The following NDUFA10 variants were observed in gnomAD, a reference collection of about 807,000 sequenced individuals.
The protein encoded by NDUFA10 is NADH dehydrogenase [ubiquinone] 1 alpha subcomplex subunit 10, mitochondrial.
In NDUFA10, 40 loss-of-function variants were observed where a neutral mutation model predicts 47.8. The ratio of observed to expected loss-of-function variants is 0.84; its 90% CI spans 0.65 to 1.09. NDUFA10 has a LOEUF of 1.09. Ranked by LOEUF, NDUFA10 falls within the 50% of genes least tolerant of loss-of-function variation. NDUFA10 has a pLI of 0.00. For synonymous variants in NDUFA10, 183 were observed against 172.2 expected (o/e 1.06, Z -0.49); for missense variants, 413 against 451.1 (o/e 0.92, Z 0.76).
chr2:239,955,939 G>A (rs561241829), downstream of NDUFA10, among the ~76,000 whole-genome samples: 3 of 152,300 alleles, frequency 2.0e-5, no homozygotes, highest in South Asian at 6.2e-4. Flanking sequence ...TCTGTGTCGA[G>A]TCCTCCAGAG....
chr2:239,969,252 T>G (rs1695213599), intron 9 of NDUFA10, among the ~76,000 whole-genome samples: 1 of 152,094 alleles, frequency 6.6e-6, no homozygotes, highest in Admixed American at 6.5e-5. Context: ...CTCTAAGAAT[T>G]AAATGAAAAA....
At chr2:239,940,504 C>T (rs1175875913) in intron 4 of NDUFA10, among the ~76,000 whole-genome samples, 1 of 152,232 alleles carries the variant, frequency 6.6e-6, no homozygotes, top group East Asian at 1.9e-4. Context: ...CCAGCACATC[C>T]AGCAATGCTA....
intron 8 of NDUFA10, among the ~76,000 whole-genome samples, chr2:239,993,838 A>T (rs570467621): frequency 7.2e-5 from 11 of 152,200 alleles, no homozygotes; most frequent in African/African-American, 2.6e-4. Context: ...TCAAGCTAGG[A>T]TTATGGTTGA....
At chr2:240,011,818 T>G in intron 5 of NDUFA10, 122 bp from the exon 6 acceptor site, 1 of 839,138 alleles carries the variant, frequency 1.2e-6, no homozygotes, top group South Asian at 1.4e-5. Flanking sequence ...CACCGGGCAC[T>G]GTGGGGACTG....
At chr2:240,020,969 C>T in intron 3 of NDUFA10, 1 of 601,346 alleles carries the variant, frequency 1.7e-6, no homozygotes, top group South Asian at 2.0e-5. Flanking sequence ...CTTGAGAATT[C>T]TATACAATCC....
intron 4 of NDUFA10, among the ~76,000 whole-genome samples, chr2:239,899,728 A>G (rs1693508220): frequency 6.6e-6 from 1 of 152,056 alleles, no homozygotes; most frequent in Non-Finnish European, 1.5e-5. Flanking sequence ...GCCTCAATGC[A>G]ACACTTAAGG....
chr2:239,972,280 A>G (rs1274174363), intron 9 of NDUFA10, among the ~76,000 whole-genome samples: 4 of 152,122 alleles, frequency 2.6e-5, no homozygotes, highest in Non-Finnish European at 5.9e-5. Context: ...TATATAAATT[A>G]AACAAAAAAA....
chr2:240,024,326 T>C (rs1697764427), intron 1 of NDUFA10, among the ~76,000 whole-genome samples: 1 of 152,224 alleles, frequency 6.6e-6, no homozygotes, highest in Admixed American at 6.5e-5. Context: ...CATAAGTGAA[T>C]CTTACATAGA....
At chr2:239,941,170 G>C (rs567534945) in intron 4 of NDUFA10, among the ~76,000 whole-genome samples, 3 of 152,210 alleles carry the variant, frequency 2.0e-5, no homozygotes, top group African/African-American at 4.8e-5. Flanking sequence ...GGCAATAGAC[G>C]TATGACCCAT....
chr2:240,007,198 G>A, intron 7 of NDUFA10, 118 bp downstream of exon 7: 1 of 792,662 alleles, frequency 1.3e-6, no homozygotes, highest in Non-Finnish European at 2.2e-6. Flanking sequence ...GCTTTCAGGT[G>A]ATAAAACAGT....
intron 8 of NDUFA10, among the ~76,000 whole-genome samples, chr2:240,002,239 G>A (rs949052855): frequency 2.0e-5 from 3 of 149,932 alleles, no homozygotes; most frequent in Non-Finnish European, 4.4e-5. Context: ...GCTGAGGCAG[G>A]AGAATCGCCT....
chr2:240,021,270 G>GT lies in NDUFA10; in HGVS notation c.386dup (p.Tyr129Ter), dbSNP rs1697607891. 3.1e-6 allele frequency: 5 copies of GT among 1,614,100 alleles called. No homozygotes were observed. Among genetic ancestry groups the GT allele is most frequent in the Non-Finnish European group, 4.2e-6 (5 of 1,180,044 alleles). Residue 129 changes from tyrosine to a stop codon, truncating the protein, a stop_gained and frameshift_variant, in exon 3 of 10, where the codon TAC becomes TAAC. Transcript: ENST00000252711. LOFTEE classifies it high-confidence loss of function. ...TGCTGTACAACCAGGACTGCAGGCG[G>GT]TAACTGTTGCCATCATTGCTTCTCG... ...DDPRSNDGNSYRLQSWLYSSR... is the reference protein window; with the variant it reads ...DDPRSNDGNS
rs562000617 is a variant in NDUFA10 at position 240,023,533 on chromosome 2, G to A, written c.76-1193C>T. Among the ~76,000 whole-genome samples, 3 of 152,272 alleles carry A rather than the reference G, an allele frequency of 2.0e-5. No homozygotes were observed. The South Asian group carries it at 6.2e-4, about 32-fold the overall frequency. On this transcript the variant is annotated intron_variant, in intron 1 of 9. Coordinates refer to ENST00000252711, the MANE Select transcript of NDUFA10 (RefSeq NM_004544.4). Reference sequence around the variant, plus strand: ...ATCCATTCAAAGAGTATATACATAAGATTGACCTATAAGGATGCTCAATGA... The same window carrying A: ...ATCCATTCAAAGAGTATATACATAAAATTGACCTATAAGGATGCTCAATGA...
At chr2:239,947,334 G>A (rs982002531) in intron 4 of NDUFA10, among the ~76,000 whole-genome samples, 10 of 152,354 alleles carry the variant, frequency 6.6e-5, no homozygotes, top group African/African-American at 2.4e-4. Context: ...AGAGCCCCCA[G>A]GGACAGAGCT....
intron 9 of NDUFA10, chr2:239,969,884 G>T: frequency 2.4e-6 from 1 of 415,338 alleles, no homozygotes. Flanking sequence ...AAAAACAAAT[G>T]GACAGAGTCA....
At position 240,014,837 on chromosome 2, in the gene NDUFA10, T is replaced by C; in HGVS notation, c.571A>G (p.Lys191Glu). 1 of 1,614,098 alleles carries C rather than the reference T, an allele frequency of 6.2e-7. No homozygotes were observed. The highest frequency in any genetic ancestry group is 8.5e-7 in the Non-Finnish European group (1 of 1,179,956). Residue 191 changes from lysine (K) to glutamate (E), a missense_variant, in exon 5 of 10, where the codon AAG becomes GAG. Lys to Glu is a moderately conservative substitution (Grantham distance 56). Transcript: ENST00000252711. ...KQCVDHYNEV[K>E]SVTICDYLPP... ...AGGTAATCGCAGATGGTGACGCTCTTCACCTCGTTGTAGTGGTCCACACCT... is the reference window on the plus strand; with the variant it reads ...AGGTAATCGCAGATGGTGACGCTCTCCACCTCGTTGTAGTGGTCCACACCT...
chr2:239,946,736 G>C (rs1194656150), intron 4 of NDUFA10, among the ~76,000 whole-genome samples: 3 of 152,340 alleles, frequency 2.0e-5, no homozygotes, highest in South Asian at 4.1e-4. Flanking sequence ...TGTGTGCCCA[G>C]GTGTGCTAAA....
chr2:239,925,094 T>C (rs780044538), intron 4 of NDUFA10, among the ~76,000 whole-genome samples: 1 of 152,172 alleles, frequency 6.6e-6, no homozygotes, highest in African/African-American at 2.4e-5. Context: ...CATTCATGAA[T>C]TGGAAAACTC....
At chr2:240,005,180 A>G in intron 8 of NDUFA10, 30 bp downstream of exon 8, 1 of 1,576,610 alleles carries the variant, frequency 6.3e-7, no homozygotes, top group Non-Finnish European at 8.7e-7. Flanking sequence ...GACCCCAGAC[A>G]TGCAGCAGCC....
Sources: allele counts gnomAD v4.1 joint callset (sites outside exome capture counted in the v4.1 genomes callset), GRCh38; gene constraint gnomAD v4.1.1; transcripts MANE v1.5; gene names NCBI Gene and HGNC (gene_info 2026-07-23, HGNC 2026-07-21).